PDE4D: variants seen among roughly 807,000 people sequenced by gnomAD.
PDE4D encodes 3',5'-cyclic-AMP phosphodiesterase 4D.
PDE4D carries 24 observed loss-of-function variants against 87.4 expected under a neutral mutation model. The observed-to-expected ratio is 0.27, with a 90% CI of 0.20 to 0.39. The LOEUF is 0.39. Among genes scored for constraint, PDE4D ranks in the 10% least tolerant of loss-of-function variants. PDE4D has a pLI of 1.00. For synonymous variants in PDE4D, 384 were observed against 383.2 expected (o/e 1.00, Z -0.02); for missense variants, 714 against 1,041.0 (o/e 0.69, Z 4.32).
At chr5:60,106,950 T>C (rs1223666611) in intron 2 of PDE4D, among the ~76,000 whole-genome samples, 1 of 151,222 alleles carries the variant, frequency 6.6e-6, no homozygotes, top group African/African-American at 2.4e-5. Context: ...TTAAAAGAAC[T>C]AGAAAAGCAA....
intron 2 of PDE4D, among the ~76,000 whole-genome samples, chr5:60,029,724 C>G (rs1161484232): frequency 7.7e-6 from 1 of 130,114 alleles, no homozygotes; most frequent in East Asian, 3.2e-4. Flanking sequence ...CCACCACCCT[C>G]TTACCCTTCT....
chr5:59,972,197 G>A (rs777391659), intron 3 of PDE4D, among the ~76,000 whole-genome samples: 6 of 152,174 alleles, frequency 3.9e-5, no homozygotes, highest in Non-Finnish European at 8.8e-5. Flanking sequence ...CTGCCAGAGG[G>A]GCATGCAGAG....
chr5:59,791,185 G>A (rs1276321488), intron 1 of PDE4D, among the ~76,000 whole-genome samples: 1 of 152,212 alleles, frequency 6.6e-6, no homozygotes, highest in Non-Finnish European at 1.5e-5. Context: ...CTCCTGTTGA[G>A]AAATTTACTG....
chr5:60,208,165 AG>A (rs1742768870), intron 1 of PDE4D, among the ~76,000 whole-genome samples: 1 of 152,238 alleles, frequency 6.6e-6, no homozygotes, highest in East Asian at 1.9e-4. Context: ...AAAATGTGTA[AG>A]TGATTAGTGA....
chr5:59,379,310 C>T (rs1040676559), intron 1 of PDE4D, among the ~76,000 whole-genome samples: 4 of 152,106 alleles, frequency 2.6e-5, no homozygotes, highest in Non-Finnish European at 4.4e-5. Context: ...TAAAAAAGTG[C>T]TGTCAGAATG....
At chr5:60,276,553 C>T (rs1751385676) in intron 1 of PDE4D, among the ~76,000 whole-genome samples, 3 of 152,296 alleles carry the variant, frequency 2.0e-5, no homozygotes, top group Admixed American at 1.3e-4. Context: ...ACTACTCAAA[C>T]CTTGTTCAAA....
chr5:59,391,587 G>C (rs938845331), intron 1 of PDE4D, among the ~76,000 whole-genome samples: 1 of 152,090 alleles, frequency 6.6e-6, no homozygotes, highest in African/African-American at 2.4e-5. Flanking sequence ...GAGGGATCTT[G>C]TTAACATCTG....
At chr5:59,160,706 C>T (rs1188484580) in intron 5 of PDE4D, among the ~76,000 whole-genome samples, 1 of 152,104 alleles carries the variant, frequency 6.6e-6, no homozygotes, top group Non-Finnish European at 1.5e-5. Context: ...CTTAGCACAC[C>T]ATTCATTTCA....
intron 5 of PDE4D, among the ~76,000 whole-genome samples, chr5:59,040,401 T>C (rs77328961): frequency 6.6e-6 from 1 of 152,230 alleles, no homozygotes; most frequent in African/African-American, 2.4e-5. Context: ...AAGGAGAATT[T>C]ACGCATGTCC....
At chr5:60,096,593 T>C (rs1182976304) in intron 2 of PDE4D, among the ~76,000 whole-genome samples, 1 of 152,076 alleles carries the variant, frequency 6.6e-6, no homozygotes, top group African/African-American at 2.4e-5. Flanking sequence ...CAACTTTAAG[T>C]TGTACTCCAC....
intron 1 of PDE4D, among the ~76,000 whole-genome samples, chr5:59,338,978 A>G (rs1376206030): frequency 6.6e-6 from 1 of 152,206 alleles, no homozygotes; most frequent in Non-Finnish European, 1.5e-5. Flanking sequence ...TCATTATGTA[A>G]CCAGTGCCAA....
intron 1 of PDE4D, among the ~76,000 whole-genome samples, chr5:60,374,291 C>G (rs958815113): frequency 5.3e-5 from 8 of 151,948 alleles, no homozygotes; most frequent in African/African-American, 9.7e-5. Context: ...CTCTCTCCCC[C>G]CAAAAAAACA....
At chr5:60,314,896 T>A (rs543913694) in intron 1 of PDE4D, among the ~76,000 whole-genome samples, 4 of 152,344 alleles carry the variant, frequency 2.6e-5, no homozygotes, top group Admixed American at 6.5e-5. Context: ...TTGTTGGACA[T>A]TTGGCTTGGT....
chr5:59,271,171 C>G (rs991609276), intron 1 of PDE4D, among the ~76,000 whole-genome samples: 2 of 151,974 alleles, frequency 1.3e-5, no homozygotes, highest in Non-Finnish European at 2.9e-5. Context: ...TCCCAAGAAG[C>G]TGAGATTACA....
At chr5:59,794,271 G>C (rs1407269250) in intron 1 of PDE4D, among the ~76,000 whole-genome samples, 1 of 151,966 alleles carries the variant, frequency 6.6e-6, no homozygotes, top group Non-Finnish European at 1.5e-5. Flanking sequence ...TCTTTCCTTT[G>C]AAGAGTAATC....
At chr5:59,038,792 A>C in intron 6 of PDE4D, 67 bp downstream of exon 6, 1 of 1,360,894 alleles carries the variant, frequency 7.3e-7, no homozygotes, top group Non-Finnish European at 9.7e-7. Flanking sequence ...GGCTATGGGT[A>C]CCAGTGGCTC....
At chr5:60,389,516 C>G (rs1334914698) in intron 1 of PDE4D, among the ~76,000 whole-genome samples, 1 of 152,090 alleles carries the variant, frequency 6.6e-6, no homozygotes, top group Non-Finnish European at 1.5e-5. Context: ...AACAAGCTAC[C>G]TTAAAACTTA....
At chr5:60,013,031 T>C (rs969714924) in intron 2 of PDE4D, among the ~76,000 whole-genome samples, 6 of 152,184 alleles carry the variant, frequency 3.9e-5, no homozygotes, top group Non-Finnish European at 7.3e-5. Context: ...TATCTAATTC[T>C]TGTTTTCCTG....
chr5:60,323,091 ACT>A (rs1241640149), intron 1 of PDE4D, among the ~76,000 whole-genome samples: 1 of 151,354 alleles, frequency 6.6e-6, no homozygotes, highest in Non-Finnish European at 1.5e-5. Context: ...TTGGTTCCAG[ACT>A]CTCCTTTCTT....
Sources: gnomAD v4.1 joint callset for allele counts (sites outside exome capture counted in the v4.1 genomes callset) on GRCh38, gnomAD v4.1.1 for gene constraint, MANE v1.5 for transcripts, NCBI Gene and HGNC (gene_info 2026-07-23, HGNC 2026-07-21) for gene names.